Variants in ZNF469 observed in about 807,000 individuals in gnomAD.
ZNF469 encodes the protein zinc finger protein 469.
Under a neutral mutation model 1.0 loss-of-function variants are expected in ZNF469, and 1 was observed. The ratio of observed to expected loss-of-function variants is 1.00; its 90% CI spans 0.35 to 4.73. The LOEUF is 4.73. Among genes scored for constraint, ZNF469 ranks in the 30% most tolerant of loss-of-function variants. ZNF469 has a pLI of 0.16. For synonymous variants in ZNF469, 2,703 were observed against 2,363.4 expected (o/e 1.14, Z -4.17); for missense variants, 6,100 against 5,356.3 (o/e 1.14, Z -4.33).
the ZNF469 span, among the ~76,000 whole-genome samples, chr16:88,253,776 C>T: frequency 1.3e-5 from 2 of 152,266 alleles, no homozygotes; most frequent in South Asian, 4.2e-4. Flanking sequence ...TGACCTCAAG[C>T]AATCCTCCCA....
chr16:88,136,633 T>C, the ZNF469 span, among the ~76,000 whole-genome samples: 2 of 152,260 alleles, frequency 1.3e-5, no homozygotes, highest in Non-Finnish European at 2.9e-5. Context: ...ATTTTGCTAA[T>C]TACTCAAAGA....
At chr16:88,342,445 C>T in the ZNF469 span, among the ~76,000 whole-genome samples, 2 of 152,192 alleles carry the variant, frequency 1.3e-5, no homozygotes, top group Non-Finnish European at 2.9e-5. Context: ...CTCAGCTCCC[C>T]ACTCCAATGG....
At chr16:88,393,140 G>T (rs1415158738) in intron 1 of ZNF469, among the ~76,000 whole-genome samples, 1 of 152,276 alleles carries the variant, frequency 6.6e-6, no homozygotes, top group Non-Finnish European at 1.5e-5. Context: ...GCTGTGGCCG[G>T]TCTATAAATA....
At chr16:88,166,903 A>G in the ZNF469 span, among the ~76,000 whole-genome samples, 1 of 152,006 alleles carries the variant, frequency 6.6e-6, no homozygotes, top group African/African-American at 2.4e-5. The surrounding 1 kb of genome is among the most constrained non-coding windows in gnomAD (Gnocchi z 4.5). Context: ...AATCATTTCT[A>G]TATGTGTGAT....
At chr16:88,135,766 T>TTTTTTGGGATGGAGTC in the ZNF469 span, among the ~76,000 whole-genome samples, 1 of 140,290 alleles carries the variant, frequency 7.1e-6, no homozygotes, top group Non-Finnish European at 1.6e-5. Flanking sequence ...TTTTTTTTTT[T>TTTTTTGGGATGGAGTC]TTTTTTTTTT....
At chr16:88,410,757 C>T (rs1244519102) in intron 1 of ZNF469, among the ~76,000 whole-genome samples, 3 of 152,168 alleles carry the variant, frequency 2.0e-5, no homozygotes, top group East Asian at 1.9e-4. Context: ...TTCACAGTAA[C>T]GTCTATGATG....
chr16:88,287,152 A>G, the ZNF469 span, among the ~76,000 whole-genome samples: 1 of 152,088 alleles, frequency 6.6e-6, no homozygotes, highest in Non-Finnish European at 1.5e-5. Flanking sequence ...CCGAATCTTC[A>G]GTTTCTAAGG....
intron 1 of ZNF469, among the ~76,000 whole-genome samples, chr16:88,409,537 A>C (rs1905090097): frequency 6.6e-6 from 1 of 151,900 alleles, no homozygotes; most frequent in Admixed American, 6.6e-5. Context: ...GGAGGAAGAG[A>C]CCCTCACCAG....
the ZNF469 span, among the ~76,000 whole-genome samples, chr16:88,341,986 A>G: frequency 6.6e-6 from 1 of 152,118 alleles, no homozygotes; most frequent in South Asian, 2.1e-4. Context: ...CAGCTGGGGA[A>G]GCAGAATGGG....
the ZNF469 span, among the ~76,000 whole-genome samples, chr16:88,165,371 T>G: frequency 7.8e-4 from 119 of 152,322 alleles, no homozygotes; most frequent in African/African-American, 2.7e-3. Context: ...CCGATGGCTG[T>G]GAAAGGCCAT....
At chr16:88,236,343 C>T in the ZNF469 span, among the ~76,000 whole-genome samples, 30 of 152,242 alleles carry the variant, frequency 2.0e-4, no homozygotes, top group African/African-American at 7.2e-4. Context: ...ATACTAGACT[C>T]GGGTTGGAAT....
At position 88,424,817 on chromosome 16, in the gene ZNF469, C is replaced by A. The variant is rs1423835904; in HGVS notation, c.-181C>A. Among the ~76,000 whole-genome samples the A allele has an allele frequency of 1.3e-5, 2 of 152,212 alleles. No homozygotes were observed. Among genetic ancestry groups the A allele is most frequent in the African/African-American group, 2.4e-5 (1 of 41,460 alleles). The stretch of plus-strand genomic sequence containing the variant: ...CCATTTTCTTTGCAGCCAAGAAATT[C>A]TCATTCCTCAGGAAGTTGTGCGGCG... On this transcript the variant is annotated 5_prime_UTR_variant, in exon 2 of 3. Coordinates refer to ENST00000565624, the MANE Select transcript of ZNF469 (RefSeq NM_001367624.2). The surrounding 1 kb of genome is among the most constrained non-coding windows in gnomAD (Gnocchi z 4.3).
chr16:88,230,599 TCCGGGGACGCCCC>T, the ZNF469 span, among the ~76,000 whole-genome samples: 2 of 74,112 alleles, frequency 2.7e-5, no homozygotes, highest in Non-Finnish European at 3.9e-5. Flanking sequence ...GCTCTGAGCC[TCCGGGGACGCCCC>T]CTCTCCCGCC....
At chr16:88,358,493 G>A in the ZNF469 span, among the ~76,000 whole-genome samples, 13 of 152,046 alleles carry the variant, frequency 8.6e-5, no homozygotes, top group South Asian at 4.2e-4. Flanking sequence ...CGAACATTCC[G>A]GGATCCAGGA....
the ZNF469 span, among the ~76,000 whole-genome samples, chr16:88,349,704 CCACACAAG>C: frequency 3.4e-5 from 2 of 59,662 alleles, no homozygotes; most frequent in African/African-American, 6.0e-5. Context: ...AATACACACA[CCACACAAG>C]TACACATCCA....
the ZNF469 span, among the ~76,000 whole-genome samples, chr16:88,244,025 C>T: frequency 7.9e-6 from 1 of 126,956 alleles, no homozygotes; most frequent in African/African-American, 3.0e-5. Flanking sequence ...TGGGTGAGTG[C>T]ACGGATCATC....
chr16:88,138,123 T>C, the ZNF469 span, among the ~76,000 whole-genome samples: 1 of 152,180 alleles, frequency 6.6e-6, no homozygotes, highest in Non-Finnish European at 1.5e-5. Flanking sequence ...CAAGGTGTGT[T>C]GAAACTATCA....
chr16:88,232,565 C>T, the ZNF469 span, among the ~76,000 whole-genome samples: 4 of 152,218 alleles, frequency 2.6e-5, no homozygotes, highest in Non-Finnish European at 5.9e-5. Context: ...TCCCAGTTAA[C>T]GCTGTCCTTG....
chr16:88,348,327 C>G, the ZNF469 span, among the ~76,000 whole-genome samples: 2 of 152,192 alleles, frequency 1.3e-5, no homozygotes, highest in Admixed American at 6.5e-5. Context: ...CTGTGCGTGC[C>G]TCTCGTTTCC....
Sources: gnomAD v4.1 joint callset for allele counts (sites outside exome capture counted in the v4.1 genomes callset) on GRCh38, gnomAD v4.1.1 for gene constraint, Gnocchi (gnomAD v3.1) non-coding constraint, MANE v1.5 for transcripts, NCBI Gene and HGNC (gene_info 2026-07-23, HGNC 2026-07-21) for gene names.